The following RHOBTB1 variants were observed in gnomAD, a reference collection of about 807,000 sequenced individuals.
The protein encoded by RHOBTB1 is Rho related BTB domain containing 1.
RHOBTB1 carries 40 observed loss-of-function variants against 71.6 expected under a neutral mutation model. That is an observed-to-expected ratio of 0.56 (90% CI 0.43 to 0.73). RHOBTB1 has a LOEUF of 0.73. Ranked by LOEUF, RHOBTB1 falls within the 30% of genes least tolerant of loss-of-function variation. RHOBTB1 has a pLI of 0.00. For synonymous variants in RHOBTB1, 319 were observed against 334.9 expected, an observed-to-expected ratio of 0.95 and a Z score of 0.52; for missense variants, 797 against 894.0, an observed-to-expected ratio of 0.89 and a Z score of 1.38.
At chr10:60,912,213 G>A (rs1233902731) in intron 2 of RHOBTB1, among the ~76,000 whole-genome samples, 1 of 145,424 alleles carries the variant, frequency 6.9e-6, no homozygotes, top group African/African-American at 2.6e-5. Context: ...GTATATATAT[G>A]TGTATATATA....
chr10:60,871,784 T>C, intron 10 of RHOBTB1, 133 bp from the exon 11 acceptor site: 1 of 776,686 alleles, frequency 1.3e-6, no homozygotes, highest in Non-Finnish European at 2.0e-6. Flanking sequence ...TAGGGCCATT[T>C]GCAAAAGGTG....
intron 2 of RHOBTB1, among the ~76,000 whole-genome samples, chr10:60,967,358 T>C (rs917300107): frequency 2.0e-5 from 3 of 150,366 alleles, no homozygotes; most frequent in Non-Finnish European, 4.4e-5. Flanking sequence ...AATGGCCCTG[T>C]CTTGGCTCAC....
In RHOBTB1 at chr10:60,886,297, C is replaced by T. The variant is rs1195909673; in HGVS notation, c.1457-67G>A. 11 of 1,120,834 alleles carry T rather than the reference C, an allele frequency of 9.8e-6. No homozygotes were observed. In the South Asian group the frequency reaches 1.3e-4, roughly 13 times the overall value. 69.4% of individuals were successfully genotyped at this position (1,120,834 alleles called of 1,614,324 possible). ...CTGAGAGCTTCAACCAAGGCTTCTG[C>T]TCCCATAGCCACCAAACTGCGACTC... On this transcript the variant is annotated intron_variant, in intron 6 of 10. Coordinates refer to ENST00000337910, the MANE Select transcript of RHOBTB1 (RefSeq NM_014836.5).
In RHOBTB1 at chr10:60,888,628, T is replaced by G; in HGVS notation, c.1040A>C (p.Lys347Thr). ...CTCCACCAGGCTCTTGTTTGAAGACTTCCACTGGTCGGCCTGAGGAATCCT... is the reference window on the plus strand; with the variant it reads ...CTCCACCAGGCTCTTGTTTGAAGACGTCCACTGGTCGGCCTGAGGAATCCT... Reference protein sequence around the residue: ...PPRIPQADQWKSSNKSLVEAL... With the variant: ...PPRIPQADQWTSSNKSLVEAL... Residue 347 changes from lysine to threonine, a missense_variant, in exon 6 of 11, where the codon AAG (lysine) becomes ACG (threonine). Physicochemically the swap from Lys to Thr is moderately conservative, Grantham distance 78 (BLOSUM62 -1). This residue lies in a region of RHOBTB1 where 658 missense variants were observed against 681.5 expected (regional missense o/e 0.97). Coordinates refer to ENST00000337910, the MANE Select transcript of RHOBTB1 (RefSeq NM_014836.5). 1 of 1,614,218 alleles carries G rather than the reference T, an allele frequency of 6.2e-7. No individual in the cohort carries two copies. Among genetic ancestry groups the G allele is most frequent in the Non-Finnish European group, 8.5e-7 (1 of 1,180,040 alleles).
At chr10:60,935,036 C>T (rs2084494773) in intron 2 of RHOBTB1, among the ~76,000 whole-genome samples, 1 of 152,110 alleles carries the variant, frequency 6.6e-6, no homozygotes, top group Non-Finnish European at 1.5e-5. Flanking sequence ...GCTATCTGTA[C>T]AAGAATGTTC....
chr10:60,905,702 T>C (rs10994572), intron 4 of RHOBTB1, among the ~76,000 whole-genome samples: 1 of 151,996 alleles, frequency 6.6e-6, no homozygotes, highest in East Asian at 1.9e-4. Flanking sequence ...CCTGGTCCAC[T>C]TGAAGTTTCA....
chr10:60,962,620 T>C (rs1220469850), intron 2 of RHOBTB1, among the ~76,000 whole-genome samples: 1 of 152,188 alleles, frequency 6.6e-6, no homozygotes, highest in Non-Finnish European at 1.5e-5. Flanking sequence ...TTTATCCTAA[T>C]TTTGTTTTCC....
rs576240021 is a variant in RHOBTB1 at position 60,911,196 on chromosome 10, G to A, written c.192+155C>T. ...TCAGGATACCAGAGCCACAGTCTCC[G>A]GTTTGCATTTTGCTTTTGTTTTCTC... On this transcript the variant is annotated intron_variant, in intron 3 of 10. Coordinates refer to ENST00000337910, the MANE Select transcript of RHOBTB1 (RefSeq NM_014836.5). Among the ~76,000 whole-genome samples the A allele has an allele frequency of 5.3e-5, 8 of 152,302 alleles. No individual in the cohort carries two copies. In the East Asian group the frequency reaches 5.8e-4, roughly 11 times the overall value.
downstream of RHOBTB1, among the ~76,000 whole-genome samples, chr10:60,867,734 C>T (rs2080643287): frequency 6.6e-6 from 1 of 152,190 alleles, no homozygotes; most frequent in Non-Finnish European, 1.5e-5. Context: ...TTTAGAAGCA[C>T]TGTCAGCACA....
chr10:60,941,564 T>G (rs1051679233), intron 2 of RHOBTB1, among the ~76,000 whole-genome samples: 3 of 151,854 alleles, frequency 2.0e-5, no homozygotes, highest in African/African-American at 4.8e-5. Context: ...AAGTGAAAAA[T>G]AAAAAGTCGT....
chr10:60,864,548 A>G (rs936546002), downstream of RHOBTB1, among the ~76,000 whole-genome samples: 2 of 152,246 alleles, frequency 1.3e-5, no homozygotes, highest in African/African-American at 4.8e-5. Flanking sequence ...AAGCAAAAAA[A>G]GAGCAAAAGC....
At chr10:60,925,161 T>C (rs2083795832) in intron 2 of RHOBTB1, among the ~76,000 whole-genome samples, 1 of 152,194 alleles carries the variant, frequency 6.6e-6, no homozygotes, top group South Asian at 2.1e-4. Flanking sequence ...CCTTCCACCA[T>C]GATTATAAGC....
chr10:60,888,572 G>A lies in RHOBTB1; in HGVS notation c.1096C>T (p.Pro366Ser), dbSNP rs761739788. The A allele has an allele frequency of 1.2e-6, 2 of 1,614,026 alleles. No individual in the cohort carries two copies. Among genetic ancestry groups the A allele is most frequent in the South Asian group, 1.1e-5 (1 of 91,084 alleles). The change falls in exon 6 of 11, where the codon CCT (proline) becomes TCT (serine). Residue 366 changes from proline (P) to serine (S), a missense_variant. By Grantham distance (74) the Pro-to-Ser change is moderately conservative. Transcript: ENST00000337910. ...ALGLEAEGAV[P>S]ETQTLTGWSK... The stretch of plus-strand genomic sequence containing the variant: ...CATCCGGTCAAAGTCTGTGTCTCAG[G>A]AACTGCACCCTCGGCTTCCAGCCCC...
intron 7 of RHOBTB1, among the ~76,000 whole-genome samples, chr10:60,881,824 G>A (rs984481439): frequency 2.6e-5 from 4 of 152,162 alleles, no homozygotes; most frequent in Admixed American, 6.5e-5. Context: ...ATTCCAGTGA[G>A]CAGCCCTGCC....
chr10:60,962,751 T>C (rs986736120), intron 2 of RHOBTB1, among the ~76,000 whole-genome samples: 3 of 152,120 alleles, frequency 2.0e-5, no homozygotes, highest in Admixed American at 1.3e-4. Flanking sequence ...GAAGTAGAAA[T>C]AGTTTTTTAA....
intron 4 of RHOBTB1, among the ~76,000 whole-genome samples, chr10:60,904,854 T>C (rs143510746): frequency 1.1e-4 from 17 of 152,332 alleles, no homozygotes; most frequent in African/African-American, 3.1e-4. Flanking sequence ...CTTTTTTCTA[T>C]AACCTGAGCA....
chr10:61,000,934 C>T (rs1360620767), intron 1 of RHOBTB1, among the ~76,000 whole-genome samples: 1 of 152,172 alleles, frequency 6.6e-6, no homozygotes, highest in African/African-American at 2.4e-5. Flanking sequence ...GCAGATGCTG[C>T]GCCTACTTTC....
At chr10:60,953,292 C>A (rs150830693) in intron 2 of RHOBTB1, among the ~76,000 whole-genome samples, 2 of 152,170 alleles carry the variant, frequency 1.3e-5, no homozygotes, top group Non-Finnish European at 2.9e-5. Context: ...GCTATACATA[C>A]AAGACCCCAT....
intron 2 of RHOBTB1, among the ~76,000 whole-genome samples, chr10:60,915,556 C>T (rs1311849466): frequency 2.6e-5 from 4 of 152,108 alleles, no homozygotes; most frequent in African/African-American, 4.8e-5. Context: ...CACCAGTACC[C>T]GATGAATCCA....
Sources: allele counts gnomAD v4.1 joint callset (sites outside exome capture counted in the v4.1 genomes callset), GRCh38; gene constraint gnomAD v4.1.1; regional missense constraint gnomAD v4.1.1; transcripts MANE v1.5; gene names NCBI Gene and HGNC (gene_info 2026-07-23, HGNC 2026-07-21).